Variants in ASTN2 observed in about 807,000 individuals in gnomAD.
ASTN2 encodes the protein astrotactin-2.
Under a neutral mutation model 139.8 loss-of-function variants are expected in ASTN2, and 54 were observed. That is an observed-to-expected ratio of 0.39 (90% CI 0.31 to 0.48). The LOEUF is 0.48. Among genes scored for constraint, ASTN2 ranks in the 20% least tolerant of loss-of-function variants. The probability of loss-of-function intolerance (pLI) is 0.95; values close to 1 mark genes in which losing one functional copy is unlikely to be tolerated. For missense variants in ASTN2, 1,565 were observed against 1,725.1 expected, an observed-to-expected ratio of 0.91 and a Z score of 1.64; for synonymous variants, 756 against 719.5, an observed-to-expected ratio of 1.05 and a Z score of -0.81.
At chr9:116,573,387 ATAAAGT>A (rs890897784) in intron 19 of ASTN2, among the ~76,000 whole-genome samples, 8 of 152,198 alleles carry the variant, frequency 5.3e-5, no homozygotes, top group African/African-American at 1.9e-4. Context: ...ACAGGATTAA[ATAAAGT>A]TAAACAGATT....
intron 7 of ASTN2, among the ~76,000 whole-genome samples, chr9:116,999,554 T>TC (rs1564377548): frequency 3.2e-5 from 2 of 61,586 alleles, no homozygotes; most frequent in African/African-American, 9.7e-5. Context: ...CTTTCTTTTT[T>TC]TTTTTTTTTT....
At chr9:116,702,344 A>G (rs1827848070) in intron 16 of ASTN2, among the ~76,000 whole-genome samples, 1 of 152,106 alleles carries the variant, frequency 6.6e-6, no homozygotes, top group African/African-American at 2.4e-5. Flanking sequence ...CATGCTAAAC[A>G]GTTCCTTTCT....
At chr9:117,144,318 T>C (rs1830141200) in intron 3 of ASTN2, among the ~76,000 whole-genome samples, 1 of 152,150 alleles carries the variant, frequency 6.6e-6, no homozygotes, top group Non-Finnish European at 1.5e-5. Flanking sequence ...GCTTCCCTAA[T>C]CCGAAAATCT....
chr9:117,232,838 C>G (rs1012509144), intron 2 of ASTN2, among the ~76,000 whole-genome samples: 1 of 151,844 alleles, frequency 6.6e-6, no homozygotes, highest in African/African-American at 2.4e-5. Flanking sequence ...ACATTTTCCC[C>G]CTTTTATCCA....
chr9:117,265,432 C>T (rs1397535017), intron 2 of ASTN2, among the ~76,000 whole-genome samples: 1 of 152,120 alleles, frequency 6.6e-6, no homozygotes, highest in Non-Finnish European at 1.5e-5. Flanking sequence ...CTGCAGCCTT[C>T]CCCAGGCATG....
At chr9:116,891,758 A>G (rs558836902) in intron 10 of ASTN2, among the ~76,000 whole-genome samples, 2 of 152,342 alleles carry the variant, frequency 1.3e-5, no homozygotes, top group East Asian at 1.9e-4. Flanking sequence ...TATGTTTGAC[A>G]TGTTCCATGA....
At chr9:116,490,899 T>C (rs1198527505) in intron 19 of ASTN2, among the ~76,000 whole-genome samples, 17 of 152,324 alleles carry the variant, frequency 1.1e-4, no homozygotes, top group Admixed American at 3.9e-4. Context: ...TTGTGGCCTG[T>C]GTTAATTACC....
intron 10 of ASTN2, among the ~76,000 whole-genome samples, chr9:116,966,636 G>T (rs1156966643): frequency 6.6e-6 from 1 of 151,684 alleles, no homozygotes; most frequent in Non-Finnish European, 1.5e-5. Context: ...AGGGCATAGA[G>T]TACGTCCACC....
intron 19 of ASTN2, among the ~76,000 whole-genome samples, chr9:116,499,091 T>C (rs554102497): frequency 6.6e-6 from 1 of 152,198 alleles, no homozygotes; most frequent in Admixed American, 6.5e-5. Flanking sequence ...AAATCCAAAC[T>C]GCCCACTCTC....
rs1564386050 is a variant in ASTN2, at chr9:117,016,652, ATATAACC to A, written c.1424-8400_1424-8394del. ...TATATATATATATATATATATATATATATAACCTATATATATGTTACATATATATAGG... is the reference window on the plus strand; with the variant it reads ...TATATATATATATATATATATATATATATATATATGTTACATATATATAGG... On this transcript the variant is annotated intron_variant, in intron 6 of 22. Coordinates refer to ENST00000313400, the MANE Select transcript of ASTN2 (RefSeq NM_001365068.1). Among the ~76,000 whole-genome samples the A allele has an allele frequency of 8.2e-4, 86 of 104,412 alleles. 13 individuals are homozygous for A. Among genetic ancestry groups the A allele is most frequent in the East Asian group, 2.7e-3 (10 of 3,660 alleles). 68.5% of individuals were successfully genotyped at this position (104,412 alleles called of 152,430 possible).
chr9:117,157,723 G>A (rs1032317419), intron 3 of ASTN2, among the ~76,000 whole-genome samples: 4 of 152,018 alleles, frequency 2.6e-5, no homozygotes, highest in Admixed American at 1.3e-4. Context: ...GAGTTATTTA[G>A]TATGACTAGA....
intron 3 of ASTN2, among the ~76,000 whole-genome samples, chr9:117,173,913 C>A (rs1054142036): frequency 7.3e-5 from 11 of 151,332 alleles, no homozygotes; most frequent in Admixed American, 3.9e-4. Context: ...TTTTTTTAAA[C>A]CTTTTATCAC....
intron 11 of ASTN2, among the ~76,000 whole-genome samples, chr9:116,860,569 T>A (rs1330166920): frequency 1.3e-5 from 2 of 152,242 alleles, no homozygotes; most frequent in Non-Finnish European, 2.9e-5. Flanking sequence ...ATCCAGGCTT[T>A]AGCCCAATTC....
chr9:116,490,786 C>G (rs182660574), intron 19 of ASTN2, among the ~76,000 whole-genome samples: 1 of 152,126 alleles, frequency 6.6e-6, no homozygotes, highest in Non-Finnish European at 1.5e-5. Flanking sequence ...TCAACTCCCT[C>G]GAGGTCCCTC....
At chr9:116,654,770 C>T (rs1016332735) in intron 16 of ASTN2, among the ~76,000 whole-genome samples, 3 of 152,060 alleles carry the variant, frequency 2.0e-5, no homozygotes, top group Non-Finnish European at 4.4e-5. Context: ...TGGCATGATC[C>T]CCATAGCACC....
At chr9:117,368,611 T>C (rs553826334) in intron 1 of ASTN2, among the ~76,000 whole-genome samples, 2 of 152,272 alleles carry the variant, frequency 1.3e-5, no homozygotes, top group East Asian at 3.9e-4. Flanking sequence ...AGTATCCTAA[T>C]CTTGTACTGA....
chr9:116,533,475 C>T (rs1049127593), intron 19 of ASTN2, among the ~76,000 whole-genome samples: 6 of 152,234 alleles, frequency 3.9e-5, no homozygotes, highest in Middle Eastern at 3.4e-3. Context: ...TTTGTCTGTT[C>T]AGTATGATAT....
intron 20 of ASTN2, among the ~76,000 whole-genome samples, chr9:116,483,454 G>T (rs1328612265): frequency 2.0e-5 from 3 of 152,110 alleles, no homozygotes; most frequent in Non-Finnish European, 4.4e-5. Flanking sequence ...GAAAGAGGGA[G>T]TTGGGGTTGG....
At chr9:117,267,978 G>A (rs1833974077) in intron 2 of ASTN2, among the ~76,000 whole-genome samples, 1 of 152,158 alleles carries the variant, frequency 6.6e-6, no homozygotes, top group Non-Finnish European at 1.5e-5. Context: ...CATAAACAAT[G>A]CCAATCATTG....
Sources: allele counts gnomAD v4.1 joint callset (sites outside exome capture counted in the v4.1 genomes callset), GRCh38; gene constraint gnomAD v4.1.1; transcripts MANE v1.5; gene names NCBI Gene and HGNC (gene_info 2026-07-23, HGNC 2026-07-21).